DPYSL2: variants seen among roughly 807,000 people sequenced by gnomAD.
The protein encoded by DPYSL2 is dihydropyrimidinase like 2.
DPYSL2 carries 13 observed loss-of-function variants against 69.9 expected under a neutral mutation model. The observed-to-expected ratio is 0.19, with a 90% confidence interval of 0.12 to 0.30. The LOEUF (loss-of-function observed/expected upper bound fraction) is 0.30, where lower values mean the gene tolerates loss of function less well. Ranked by LOEUF, DPYSL2 falls within the 10% of genes least tolerant of loss-of-function variation. The pLI, the probability that DPYSL2 is intolerant of heterozygous loss-of-function variation, is 1.00. For synonymous variants in DPYSL2, 326 were observed against 359.1 expected (o/e 0.91, Z 1.04); for missense variants, 587 against 918.9 (o/e 0.64, Z 4.67).
chr8:26,626,008 A>G lies in DPYSL2; in HGVS notation c.794-609A>G, dbSNP rs1373354312. Among the ~76,000 whole-genome samples, 1 of 152,202 alleles carries G rather than the reference A, an allele frequency of 6.6e-6. No individual in the cohort carries two copies. The highest frequency in any genetic ancestry group is 1.5e-5 in the Non-Finnish European group (1 of 68,032). ...CTAACTCTCCACTGTCCTTCACCCC[A>G]GTCCCTGGCAACTGCTGTTGTACTT... On this transcript the variant is annotated intron_variant, in intron 4 of 13. Coordinates refer to ENST00000521913, the MANE Select transcript of DPYSL2 (RefSeq NM_001197293.3). This position sits in a 1 kb window ranked among gnomAD's most constrained non-coding sequence, Gnocchi z 4.3.
chr8:26,615,529 GT>G (rs1471142436), intron 3 of DPYSL2, among the ~76,000 whole-genome samples: 1 of 150,832 alleles, frequency 6.6e-6, no homozygotes, highest in Non-Finnish European at 1.5e-5. Context: ...GAGTCACATA[GT>G]TCCATGACTC....
chr8:26,583,758 C>T (rs767513041), intron 2 of DPYSL2, 41 bp from the exon 3 acceptor site: 34 of 1,561,066 alleles, frequency 2.2e-5, no homozygotes, highest in South Asian at 9.6e-5. Context: ...TTTGAGTCCA[C>T]ATTTCATTTA....
rs933449713 is a variant in DPYSL2 at position 26,657,358 on chromosome 8, A to G, written c.*1652A>G. 2 of 152,590 alleles carry G rather than the reference A, an allele frequency of 1.3e-5. No homozygotes were observed. Among genetic ancestry groups the G allele is most frequent in the East Asian group, 1.9e-4 (1 of 5,184 alleles). 9.5% of individuals were successfully genotyped at this position (152,590 alleles called of 1,614,324 possible). On this transcript the variant is annotated 3_prime_UTR_variant, in exon 14 of 14. Transcript: ENST00000521913. Reference sequence around the variant, plus strand: ...CCCTGTCCTTGCTGACTTGTGTTGCATTGTATTCCAAACGTGTTTACAGGT... The same window carrying G: ...CCCTGTCCTTGCTGACTTGTGTTGCGTTGTATTCCAAACGTGTTTACAGGT...
chr8:26,602,138 A>ATTTTTTTTTTT (rs374443692), intron 3 of DPYSL2, among the ~76,000 whole-genome samples: 7 of 135,296 alleles, frequency 5.2e-5, no homozygotes, highest in Non-Finnish European at 6.3e-5. Flanking sequence ...AACAAAGGAA[A>ATTTTTTTTTTT]TTTTTTTTTT....
At chr8:26,558,317 T>C (rs1049406819) in intron 1 of DPYSL2, among the ~76,000 whole-genome samples, 1 of 152,196 alleles carries the variant, frequency 6.6e-6, no homozygotes, top group Non-Finnish European at 1.5e-5. Flanking sequence ...AAGTATTTAT[T>C]GCTGATTGAA....
intron 3 of DPYSL2, among the ~76,000 whole-genome samples, chr8:26,622,659 T>C (rs1452398279): frequency 6.6e-6 from 1 of 152,130 alleles, no homozygotes; most frequent in Non-Finnish European, 1.5e-5. Context: ...TGTGTCACCA[T>C]GGCCAGCTAA....
rs747074878 is a variant in DPYSL2 at position 26,609,522 on chromosome 8, G to A, written c.629-14621G>A. Among the ~76,000 whole-genome samples, 1 of 152,170 alleles carries A rather than the reference G, an allele frequency of 6.6e-6. No homozygotes were observed. Among genetic ancestry groups the A allele is most frequent in the African/African-American group, 2.4e-5 (1 of 41,434 alleles). ...GACTGTTATTTTTTTGTGATGTTCT[G>A]TACAGCCCTGTAATCTCTTATTTTT... On this transcript the variant is annotated intron_variant, in intron 3 of 13. Coordinates refer to ENST00000521913, the MANE Select transcript of DPYSL2 (RefSeq NM_001197293.3). This position sits in a 1 kb window ranked among gnomAD's most constrained non-coding sequence, Gnocchi z 6.5.
chr8:26,558,548 T>C (rs901296898), intron 1 of DPYSL2, among the ~76,000 whole-genome samples: 3 of 152,214 alleles, frequency 2.0e-5, no homozygotes, highest in Non-Finnish European at 4.4e-5. Flanking sequence ...CCATGGAATA[T>C]ACAAACTCCC....
chr8:26,541,604 A>C (rs553997011), intron 1 of DPYSL2, among the ~76,000 whole-genome samples: 66 of 152,326 alleles, frequency 4.3e-4, no homozygotes, highest in Non-Finnish European at 4.4e-5. Flanking sequence ...CCCAATGTAA[A>C]AGTTAATAGA....
At chr8:26,655,363 G>T (rs543062861) in intron 13 of DPYSL2, among the ~76,000 whole-genome samples, 1 of 152,212 alleles carries the variant, frequency 6.6e-6, no homozygotes, top group African/African-American at 2.4e-5. Context: ...AGGTATGGGG[G>T]CCTGTGGCTG....
chr8:26,613,733 C>T (rs1034861330), intron 3 of DPYSL2, among the ~76,000 whole-genome samples: 13 of 152,100 alleles, frequency 8.5e-5, no homozygotes, highest in African/African-American at 3.1e-4. Flanking sequence ...CCAGGGAAGG[C>T]CCTGCTGTTG....
Position 26,643,488 on chromosome 8 carries a change from C to A in DPYSL2, c.1176C>A (p.Gly392=). ...EPITASLGTD[G]SHYWSKNWAK... ...TCACTGCCAGCTTGGGAACGGACGG[C>A]TCCCATTACTGGAGCAAGAACTGGG... is the stretch of plus-strand genomic sequence containing the variant. Residue 392 remains glycine, a synonymous_variant, in exon 9 of 14, where the codon GGC becomes GGA. Coordinates refer to ENST00000521913, the MANE Select transcript of DPYSL2 (RefSeq NM_001197293.3). This position sits in a 1 kb window ranked among gnomAD's most constrained non-coding sequence, Gnocchi z 6.5. The A allele has an allele frequency of 1.2e-6, 2 of 1,612,324 alleles. No homozygotes were observed. The highest frequency in any genetic ancestry group is 1.7e-6 in the Non-Finnish European group (2 of 1,179,110).
chr8:26,578,598 G>T, intron 1 of DPYSL2: 1 of 1,264,652 alleles, frequency 7.9e-7, no homozygotes, highest in Admixed American at 3.9e-5. Context: ...CGGCCCGCGG[G>T]GTGCAAGCAA....
chr8:26,640,433 T>C lies in DPYSL2; in HGVS notation c.1127-3006T>C, dbSNP rs1310085160. Among the ~76,000 whole-genome samples the C allele has an allele frequency of 6.6e-6, 1 of 152,196 alleles. No individual in the cohort carries two copies. The highest frequency in any genetic ancestry group is 1.5e-5 in the Non-Finnish European group (1 of 68,034). ...TGCAGAAGGGCCAATTAAGCCCATT[T>C]CGTGGTTTATTATTATTAGTGGTAA... On this transcript the variant is annotated intron_variant, in intron 8 of 13. Coordinates refer to ENST00000521913, the MANE Select transcript of DPYSL2 (RefSeq NM_001197293.3). This position sits in a 1 kb window ranked among gnomAD's most constrained non-coding sequence, Gnocchi z 4.2.
At position 26,586,280 on chromosome 8, in the gene DPYSL2, A is replaced by G. The variant is rs1054252938; in HGVS notation, c.628+2297A>G. Among the ~76,000 whole-genome samples the G allele has an allele frequency of 5.3e-5, 8 of 152,122 alleles. No homozygotes were observed. The highest frequency in any genetic ancestry group is 1.9e-4 in the African/African-American group (8 of 41,420). On this transcript the variant is annotated intron_variant, in intron 3 of 13. Transcript: ENST00000521913. The surrounding 1 kb of genome is among the most constrained non-coding windows in gnomAD (Gnocchi z 4.7). ...GTGTTCTAGCTGTGTGTCTCCAGTG[A>G]GGGATTTGTGCTACATGACCCTGGA...
At chr8:26,524,835 A>AAAAGAG (rs1563374151) in intron 1 of DPYSL2, among the ~76,000 whole-genome samples, 23 of 74,232 alleles carry the variant, frequency 3.1e-4, no homozygotes, top group South Asian at 6.0e-4. Flanking sequence ...AAAAAAAAAA[A>AAAAGAG]AGAGAGAGAA....
chr8:26,601,896 G>A (rs1013140817), intron 3 of DPYSL2, among the ~76,000 whole-genome samples: 5 of 152,220 alleles, frequency 3.3e-5, no homozygotes, highest in Non-Finnish European at 5.9e-5. Flanking sequence ...CGAAAGCAGG[G>A]ATATTGAGGC....
chr8:26,636,611 C>T (rs1243970263), intron 8 of DPYSL2, among the ~76,000 whole-genome samples: 3 of 152,186 alleles, frequency 2.0e-5, no homozygotes, highest in South Asian at 2.1e-4. Context: ...TGCCGCAGGC[C>T]TCCTCCTCTC....
At chr8:26,553,221 A>T (rs1396517498) in intron 1 of DPYSL2, among the ~76,000 whole-genome samples, 1 of 152,126 alleles carries the variant, frequency 6.6e-6, no homozygotes, top group African/African-American at 2.4e-5. Flanking sequence ...CAACCAAATA[A>T]TTTTTTAAAC....
Sources: allele counts gnomAD v4.1 joint callset (sites outside exome capture counted in the v4.1 genomes callset), GRCh38; gene constraint gnomAD v4.1.1; non-coding constraint Gnocchi (gnomAD v3.1); transcripts MANE v1.5; gene names NCBI Gene and HGNC (gene_info 2026-07-23, HGNC 2026-07-21).